The following CEP152 variants were observed in gnomAD, a reference collection of about 807,000 sequenced individuals.
The protein encoded by CEP152 is centrosomal protein of 152 kDa.
In CEP152, 132 loss-of-function variants were observed where a neutral mutation model predicts 188.9. That is an observed-to-expected ratio of 0.70 (90% CI 0.61 to 0.81). The LOEUF (loss-of-function observed/expected upper bound fraction) is 0.81, where lower values mean the gene tolerates loss of function less well. CEP152 is among the 30% of genes least tolerant of loss of function. CEP152 has a pLI of 0.00. For missense variants in CEP152, 1,914 were observed against 1,969.8 expected (o/e 0.97, Z 0.54); for synonymous variants, 649 against 666.6 (o/e 0.97, Z 0.41).
At chr15:48,777,202 C>T (rs1895972045) in intron 12 of CEP152, among the ~76,000 whole-genome samples, 1 of 151,784 alleles carries the variant, frequency 6.6e-6, no homozygotes, top group Non-Finnish European at 1.5e-5. Context: ...TGTAAATAAA[C>T]CCTGGATGTT....
intron 19 of CEP152, among the ~76,000 whole-genome samples, chr15:48,758,651 A>G (rs1475206146): frequency 2.2e-5 from 3 of 136,826 alleles, no homozygotes; most frequent in South Asian, 2.4e-4. Flanking sequence ...CCCAGGAGGT[A>G]GAGGTTGCAG....
At chr15:48,784,484 T>C (rs145458632) in intron 9 of CEP152, among the ~76,000 whole-genome samples, 12 of 152,342 alleles carry the variant, frequency 7.9e-5, no homozygotes, top group African/African-American at 2.9e-4. Flanking sequence ...AGTGTATGTA[T>C]ATATATTTAG....
intron 13 of CEP152, 116 bp from the exon 14 acceptor site, chr15:48,769,197 T>C: frequency 1.3e-6 from 1 of 767,930 alleles, no homozygotes; most frequent in Non-Finnish European, 2.1e-6. Flanking sequence ...CATATAGCTT[T>C]TACTCATCTT....
intron 1 of CEP152, among the ~76,000 whole-genome samples, chr15:48,807,392 A>G (rs1173017826): frequency 2.0e-5 from 3 of 152,184 alleles, no homozygotes; most frequent in Admixed American, 2.0e-4. Context: ...TATTGAAAAT[A>G]CTAGCCCAAT....
chr15:48,781,238 A>G lies in CEP152; in HGVS notation c.1535T>C (p.Leu512Ser). The change falls in exon 12 of 27, where the codon TTG becomes TCG. Residue 512 changes from leucine (L) to serine (S), a missense_variant. Transcript: ENST00000380950. ...TTTCCAGTTGACCTTTTTAATACCC[A>G]AATCCACATACGATTCAGTGAGTTC... ...NIELTESYVDLGIKKVNWKKS... is the reference protein window; with the variant it reads ...NIELTESYVDSGIKKVNWKKS... The G allele has an allele frequency of 6.2e-7, 1 of 1,613,594 alleles. No homozygotes were observed. Among genetic ancestry groups the G allele is most frequent in the Non-Finnish European group, 8.5e-7 (1 of 1,179,712 alleles).
intron 7 of CEP152, 90 bp from the exon 8 acceptor site, chr15:48,791,466 T>C: frequency 8.9e-7 from 1 of 1,118,894 alleles, no homozygotes; most frequent in Admixed American, 2.1e-5. Context: ...CTGTATCATA[T>C]ATAAATGTTG....
At chr15:48,745,644 G>A (rs1340788932) in intron 22 of CEP152, among the ~76,000 whole-genome samples, 2 of 152,026 alleles carry the variant, frequency 1.3e-5, no homozygotes, top group Non-Finnish European at 2.9e-5. Context: ...CATTCTCAAG[G>A]GTGGGGAGAG....
At position 48,738,437 on chromosome 15, in the gene CEP152, G is replaced by A; in HGVS notation, c.4945C>T (p.Pro1649Ser). The A allele has an allele frequency of 6.2e-7, 1 of 1,614,144 alleles. No individual in the cohort carries two copies. The change falls in exon 27 of 27, where the codon CCA (proline) becomes TCA (serine). Residue 1649 changes from proline to serine, a missense_variant. Transcript: ENST00000380950. ...YLSEETTYLE[P>S]GKISVNCGHP... Reference sequence around the variant, plus strand: ...CCACAATTCACACTGATCTTTCCTGGCTCCAAATACGTGGTTTCTTCTGAC... The same window carrying A: ...CCACAATTCACACTGATCTTTCCTGACTCCAAATACGTGGTTTCTTCTGAC...
intron 18 of CEP152, among the ~76,000 whole-genome samples, chr15:48,761,058 T>C (rs1467080448): frequency 2.6e-5 from 4 of 152,206 alleles, no homozygotes; most frequent in Admixed American, 2.6e-4. Context: ...GAAATTTATC[T>C]ACTTAAAAAG....
At position 48,752,208 on chromosome 15, in the gene CEP152, G is replaced by A. The variant is rs1215150990; in HGVS notation, c.3466+141C>T. On this transcript the variant is annotated intron_variant, in intron 21 of 26. Transcript: ENST00000380950. The stretch of plus-strand genomic sequence containing the variant: ...TAACCCTCTTATCTAAATACAAAAT[G>A]AAATCTAGGAAGAGGGGACATTAAG... 5 of 1,422,914 alleles carry A rather than the reference G, an allele frequency of 3.5e-6. No individual in the cohort carries two copies. In the East Asian group the frequency reaches 1.2e-4, roughly 33 times the overall value. 88.1% of individuals were successfully genotyped at this position (1,422,914 alleles called of 1,614,324 possible).
intron 24 of CEP152, 127 bp from the exon 25 acceptor site, chr15:48,742,227 A>C: frequency 3.5e-6 from 3 of 855,622 alleles, no homozygotes; most frequent in Non-Finnish European, 5.9e-6. Context: ...TAAACATTAT[A>C]CTTTCCACAG....
At chr15:48,778,845 A>G (rs1896077872) in intron 12 of CEP152, among the ~76,000 whole-genome samples, 1 of 151,840 alleles carries the variant, frequency 6.6e-6, no homozygotes, top group African/African-American at 2.4e-5. Flanking sequence ...GCTACTCAGG[A>G]GGCTGAGGCA....
chr15:48,786,385 C>CAA (rs11443555), intron 9 of CEP152, among the ~76,000 whole-genome samples: 51 of 150,350 alleles, frequency 3.4e-4, no homozygotes, highest in Middle Eastern at 3.4e-3. Context: ...GAAAATCAGC[C>CAA]AAAAAAAAAG....
rs1489347984 is a variant in CEP152, at chr15:48,756,140, T to C, written c.3108A>G (p.Gln1036=). Residue 1036 remains glutamine, a synonymous_variant, in exon 20 of 27, where the codon CAA becomes CAG. Coordinates refer to ENST00000380950, the MANE Select transcript of CEP152 (RefSeq NM_001194998.2). ...CTTCCTCATACTGATAGATTTCCAGTTGGATCCGCTTGGCTTCCTGCATAG... is the reference window on the plus strand; with the variant it reads ...CTTCCTCATACTGATAGATTTCCAGCTGGATCCGCTTGGCTTCCTGCATAG... The part of the protein sequence containing the change: ...EWTMQEAKRI[Q]LEIYQYEEDI... The C allele has an allele frequency of 2.5e-6, 4 of 1,614,118 alleles. No individual in the cohort carries two copies. The highest frequency in any genetic ancestry group is 3.4e-6 in the Non-Finnish European group (4 of 1,179,994).
At chr15:48,768,171 G>T in intron 15 of CEP152, 48 bp downstream of exon 15, 1 of 1,070,424 alleles carries the variant, frequency 9.3e-7, no homozygotes, top group South Asian at 1.3e-5. Flanking sequence ...GGACTTAGAG[G>T]GGAAGGGTAC....
intron 6 of CEP152, among the ~76,000 whole-genome samples, chr15:48,794,990 G>A (rs1236280489): frequency 6.6e-6 from 1 of 152,102 alleles, no homozygotes; most frequent in Non-Finnish European, 1.5e-5. Context: ...GTATAGCCCA[G>A]GTAAGCCAGA....
At chr15:48,796,235 T>C in intron 5 of CEP152, 75 bp from the exon 6 acceptor site, 1 of 1,534,100 alleles carries the variant, frequency 6.5e-7, no homozygotes, top group Admixed American at 1.7e-5. Flanking sequence ...ACACCTAAAT[T>C]AATGTTACGT....
intron 11 of CEP152, among the ~76,000 whole-genome samples, 191 bp from the exon 12 acceptor site, chr15:48,781,550 T>C (rs1299482376): frequency 1.3e-5 from 2 of 152,128 alleles, no homozygotes; most frequent in African/African-American, 2.4e-5. Flanking sequence ...AATGAATAAA[T>C]GAATGAGAAA....
At position 48,738,763 on chromosome 15, in the gene CEP152, G is replaced by A. The variant is rs1892745483; in HGVS notation, c.4619C>T (p.Pro1540Leu). ...RLGLKVYKCN[P>L]LMESENAASE... ...TGCAGCATTTTCACTTTCCATTAGT[G>A]GATTGCATTTATATACTTTTAAACC... Residue 1540 changes from proline (P) to leucine (L), a missense_variant, in exon 27 of 27, where the codon CCA becomes CTA. Transcript: ENST00000380950. 2 of 1,614,106 alleles carry A rather than the reference G, an allele frequency of 1.2e-6. No individual in the cohort carries two copies. The highest frequency in any genetic ancestry group is 1.3e-5 in the African/African-American group (1 of 75,016).
Sources: gnomAD v4.1 joint callset for allele counts (sites outside exome capture counted in the v4.1 genomes callset) on GRCh38, gnomAD v4.1.1 for gene constraint, MANE v1.5 for transcripts, NCBI Gene and HGNC (gene_info 2026-07-23, HGNC 2026-07-21) for gene names.